SEZ6L: variants seen among roughly 807,000 people sequenced by gnomAD.
The protein encoded by SEZ6L is seizure related 6 homolog like.
SEZ6L carries 37 observed loss-of-function variants against 106.2 expected under a neutral mutation model. The ratio of observed to expected loss-of-function variants is 0.35; its 90% CI spans 0.27 to 0.46. The LOEUF is 0.46. Ranked by LOEUF, SEZ6L falls within the 20% of genes least tolerant of loss-of-function variation. SEZ6L has a pLI of 1.00. For synonymous variants in SEZ6L, 541 were observed against 570.4 expected (o/e 0.95, Z 0.73); for missense variants, 1,172 against 1,332.8 (o/e 0.88, Z 1.88).
At chr22:26,301,705 G>A (rs140991249) in intron 5 of SEZ6L, among the ~76,000 whole-genome samples, 1 of 152,004 alleles carries the variant, frequency 6.6e-6, no homozygotes, top group Admixed American at 6.5e-5. Context: ...TGGAAGTTGA[G>A]TAGGAAATAG....
intron 4 of SEZ6L, among the ~76,000 whole-genome samples, chr22:26,297,522 G>T (rs2081335383): frequency 6.6e-6 from 1 of 152,140 alleles, no homozygotes; most frequent in Admixed American, 6.5e-5. Context: ...TAAGGTAGAG[G>T]TTAATGAAAA....
rs2078592335 is a variant in SEZ6L, at chr22:26,224,938, T to G, written c.94+55175T>G. Among the ~76,000 whole-genome samples the G allele has an allele frequency of 2.0e-5, 3 of 152,322 alleles. No homozygotes were observed. The South Asian group carries it at 6.2e-4, about 32-fold the overall frequency. On this transcript the variant is annotated intron_variant, in intron 1 of 16. Transcript: ENST00000248933. ...TCAGCTGGGCTATAATTAGAAAATC[T>G]GTTTTAGATGTGCCACTAGCTATTG...
intron 5 of SEZ6L, among the ~76,000 whole-genome samples, chr22:26,304,306 C>A (rs112568299): frequency 0.012 from 1,811 of 146,466 alleles, 33 homozygotes; most frequent in African/African-American, 0.043. Flanking sequence ...GAGCTGAGAT[C>A]GTGCCATTGC....
intron 11 of SEZ6L, among the ~76,000 whole-genome samples, chr22:26,348,699 A>AAGCAAGCAAGC (rs1569473840): frequency 1.5e-5 from 1 of 67,336 alleles, no homozygotes; most frequent in African/African-American, 5.8e-5. Flanking sequence ...AGAAAGAAAG[A>AAGCAAGCAAGC]AAGAAGGCAA....
intron 9 of SEZ6L, among the ~76,000 whole-genome samples, chr22:26,338,568 A>AT (rs2082717022): frequency 7.0e-6 from 1 of 142,692 alleles, no homozygotes. Context: ...AAAAAAAAAA[A>AT]ATTTTTTTTG....
In SEZ6L at chr22:26,381,821, A is replaced by T. The variant is rs2084418290; in HGVS notation, c.*1526A>T. ...GTGACAGTCAATGGCTTGGACAGAC[A>T]GACGGGCACAGTGGCATTTGGAACC... is the stretch of plus-strand genomic sequence containing the variant. On this transcript the variant is annotated 3_prime_UTR_variant, in exon 17 of 17. Coordinates refer to ENST00000248933, the MANE Select transcript of SEZ6L (RefSeq NM_021115.5). The T allele has an allele frequency of 6.0e-6, 2 of 332,670 alleles. No individual in the cohort carries two copies. Among genetic ancestry groups the T allele is most frequent in the African/African-American group, 4.3e-5 (2 of 46,324 alleles). The allele number at this position is 332,670 out of a possible 1,614,324, so 20.6% of individuals were successfully genotyped here.
At chr22:26,191,999 C>CATCA (rs1453016679) in intron 1 of SEZ6L, among the ~76,000 whole-genome samples, 1 of 151,938 alleles carries the variant, frequency 6.6e-6, no homozygotes, top group Non-Finnish European at 1.5e-5. Flanking sequence ...TCCATCCATC[C>CATCA]ATCCATCCAT....
chr22:26,313,283 G>A (rs1305206083), intron 8 of SEZ6L, among the ~76,000 whole-genome samples: 2 of 152,144 alleles, frequency 1.3e-5, no homozygotes, highest in Admixed American at 6.5e-5. Context: ...GGTTGGCAGT[G>A]GTATTGCCCC....
At chr22:26,199,470 C>A (rs1057497077) in intron 1 of SEZ6L, among the ~76,000 whole-genome samples, 11 of 152,296 alleles carry the variant, frequency 7.2e-5, no homozygotes, top group African/African-American at 2.4e-4. Context: ...CCACTTTATA[C>A]AAAATGACAA....
At chr22:26,191,069 G>C (rs200398457) in intron 1 of SEZ6L, among the ~76,000 whole-genome samples, 5 of 152,316 alleles carry the variant, frequency 3.3e-5, no homozygotes, top group East Asian at 3.9e-4. Context: ...GCAGTGACTT[G>C]TCATTGGTTG....
At chr22:26,302,762 T>G (rs1312937167) in intron 5 of SEZ6L, among the ~76,000 whole-genome samples, 1 of 152,224 alleles carries the variant, frequency 6.6e-6, no homozygotes, top group Non-Finnish European at 1.5e-5. Context: ...CCATTTGTGC[T>G]AAGAAAGATG....
intron 10 of SEZ6L, among the ~76,000 whole-genome samples, chr22:26,343,665 T>C (rs771658496): frequency 2.6e-5 from 4 of 152,200 alleles, no homozygotes; most frequent in Non-Finnish European, 5.9e-5. Flanking sequence ...CGAAAGGCAG[T>C]CCCATTAATA....
At chr22:26,286,835 C>G (rs1201517714) in intron 1 of SEZ6L, among the ~76,000 whole-genome samples, 1 of 151,328 alleles carries the variant, frequency 6.6e-6, no homozygotes, top group African/African-American at 2.4e-5. Context: ...GCCACCTCCA[C>G]CTTCTGGGTT....
chr22:26,308,510 C>G (rs757645915), intron 6 of SEZ6L, among the ~76,000 whole-genome samples: 2 of 152,014 alleles, frequency 1.3e-5, no homozygotes, highest in Non-Finnish European at 2.9e-5. Context: ...TGATTTTCCT[C>G]AAAATGAACC....
chr22:26,233,237 T>G (rs1283130300), intron 1 of SEZ6L, among the ~76,000 whole-genome samples: 1 of 152,258 alleles, frequency 6.6e-6, no homozygotes, highest in African/African-American at 2.4e-5. Context: ...CCAGCAGTGC[T>G]GCTTCCTCAG....
Position 26,169,669 on chromosome 22 carries a change from G to A in SEZ6L, c.-1G>A, listed in dbSNP as rs1356847664. Reference sequence around the variant, plus strand: ...GCGGCTCCGCGCCCCCTGCAGCCACGATGCCCGCGGCCCGGCCGCCCGCCG... The same window carrying A: ...GCGGCTCCGCGCCCCCTGCAGCCACAATGCCCGCGGCCCGGCCGCCCGCCG... On this transcript the variant is annotated 5_prime_UTR_variant, in exon 1 of 17. Coordinates refer to ENST00000248933, the MANE Select transcript of SEZ6L (RefSeq NM_021115.5). 3 of 1,290,932 alleles carry A rather than the reference G, an allele frequency of 2.3e-6. No homozygotes were observed. The highest frequency in any genetic ancestry group is 6.3e-5 in the East Asian group (2 of 31,980). 80.0% of individuals were successfully genotyped at this position (1,290,932 alleles called of 1,614,324 possible).
At chr22:26,336,072 G>A (rs1386914177) in intron 9 of SEZ6L, among the ~76,000 whole-genome samples, 1 of 152,184 alleles carries the variant, frequency 6.6e-6, no homozygotes, top group Non-Finnish European at 1.5e-5. Flanking sequence ...CTGCATCGAT[G>A]TTAGTAGATG....
intron 1 of SEZ6L, among the ~76,000 whole-genome samples, chr22:26,187,620 C>T (rs1387762714): frequency 6.6e-6 from 1 of 152,026 alleles, no homozygotes; most frequent in African/African-American, 2.4e-5. Context: ...TCTGTTGCTC[C>T]CCCATAGTGT....
At chr22:26,292,172 G>A (rs1031264444) in intron 1 of SEZ6L, 5 of 456,534 alleles carry the variant, frequency 1.1e-5, no homozygotes, top group African/African-American at 1.0e-4. Context: ...AAGGAGGAAG[G>A]AAAGAAGGAA....
Sources: gnomAD v4.1 joint callset for allele counts (sites outside exome capture counted in the v4.1 genomes callset) on GRCh38, gnomAD v4.1.1 for gene constraint, MANE v1.5 for transcripts, NCBI Gene and HGNC (gene_info 2026-07-23, HGNC 2026-07-21) for gene names.